Variants in OSBPL10 observed in about 807,000 individuals in gnomAD.
OSBPL10 encodes oxysterol-binding protein-related protein 10.
In OSBPL10, 49 loss-of-function variants were observed where a neutral mutation model predicts 81.7. The observed-to-expected ratio is 0.60, with a 90% confidence interval of 0.48 to 0.76. The LOEUF (loss-of-function observed/expected upper bound fraction) is 0.76. Ranked by LOEUF, OSBPL10 falls within the 30% of genes least tolerant of loss-of-function variation. The pLI is 0.00. For missense variants in OSBPL10, 923 were observed against 987.8 expected, an observed-to-expected ratio of 0.93 and a Z score of 0.88; for synonymous variants, 419 against 383.6, an observed-to-expected ratio of 1.09 and a Z score of -1.08.
At chr3:32,044,339 C>T (rs1559554283) in intron 2 of OSBPL10, among the ~76,000 whole-genome samples, 1 of 149,164 alleles carries the variant, frequency 6.7e-6, no homozygotes, top group Non-Finnish European at 1.5e-5. Context: ...ATTCCCCTAT[C>T]AATACAAAGA....
chr3:32,023,035 G>C (rs1388413456), intron 2 of OSBPL10, among the ~76,000 whole-genome samples: 1 of 152,110 alleles, frequency 6.6e-6, no homozygotes, highest in African/African-American at 2.4e-5. Flanking sequence ...GATATCTTTA[G>C]TTTCTATAGG....
At chr3:32,047,020 G>A (rs1375125962) in intron 1 of OSBPL10, among the ~76,000 whole-genome samples, 4 of 152,170 alleles carry the variant, frequency 2.6e-5, no homozygotes, top group South Asian at 4.1e-4. Context: ...GTTTTTCTTT[G>A]AGACAGGGTC....
At chr3:31,662,661 A>G in intron 11 of OSBPL10, 1 of 985,840 alleles carries the variant, frequency 1.0e-6, no homozygotes. Context: ...ATACTGAATA[A>G]CTGTGCTGGT....
At chr3:31,841,668 T>C (rs1238889212) in intron 3 of OSBPL10, among the ~76,000 whole-genome samples, 2 of 152,234 alleles carry the variant, frequency 1.3e-5, no homozygotes, top group African/African-American at 4.8e-5. Context: ...TTCCAAAACC[T>C]ACTGACTGAT....
At chr3:31,975,309 C>T (rs1698665520) in intron 1 of OSBPL10, among the ~76,000 whole-genome samples, 1 of 152,196 alleles carries the variant, frequency 6.6e-6, no homozygotes, top group African/African-American at 2.4e-5. Flanking sequence ...TTCCTATGTA[C>T]ACGCGGACAA....
intron 7 of OSBPL10, chr3:31,700,154 AATAAACT>A: frequency 6.6e-6 from 1 of 152,280 alleles, no homozygotes; most frequent in East Asian, 1.9e-4. Context: ...AAAGTAAGTT[AATAAACT>A]ATAGACAGGA....
At position 32,020,379 on chromosome 3, in the gene OSBPL10, C is replaced by T. The variant is rs138946292; in HGVS notation, n.298+26112G>A. Among the ~76,000 whole-genome samples, 427 of 152,286 alleles carry T rather than the reference C, an allele frequency of 2.8e-3. 3 individuals carry two copies. The highest frequency in any genetic ancestry group is 2.7e-3 in the Non-Finnish European group (182 of 68,030). On this transcript the variant is annotated intron_variant and non_coding_transcript_variant, in intron 2 of 3. Coordinates refer to the OSBPL10 transcript ENST00000479173. ...CTAAATTTGCCCTCTCTGGACATTT[C>T]ATGTCATACTATATGTAGTCTTCTG...
intron 1 of OSBPL10, among the ~76,000 whole-genome samples, chr3:31,941,153 T>C (rs1450552368): frequency 6.6e-6 from 1 of 152,186 alleles, no homozygotes; most frequent in Admixed American, 6.5e-5. Flanking sequence ...AATATCAATA[T>C]TTAAGGAAAT....
At chr3:31,921,838 T>C (rs1163289950) in intron 1 of OSBPL10, among the ~76,000 whole-genome samples, 1 of 152,188 alleles carries the variant, frequency 6.6e-6, no homozygotes, top group Non-Finnish European at 1.5e-5. Context: ...AGCCAGGTGA[T>C]TAAGGTCAAC....
At chr3:31,812,776 AAG>A (rs1491587649) in intron 4 of OSBPL10, among the ~76,000 whole-genome samples, 2 of 53,580 alleles carry the variant, frequency 3.7e-5, no homozygotes, top group East Asian at 8.3e-4. Context: ...GAAAGAAAGA[AAG>A]AAAGAAAGAA....
intron 7 of OSBPL10, among the ~76,000 whole-genome samples, chr3:31,701,111 T>TCCTG (rs1484193960): frequency 6.6e-6 from 1 of 152,188 alleles, no homozygotes; most frequent in Non-Finnish European, 1.5e-5. Context: ...TCAGTCTCTC[T>TCCTG]CCTGTCTTCT....
At chr3:31,735,028 C>T (rs998765253) in intron 5 of OSBPL10, among the ~76,000 whole-genome samples, 2 of 152,242 alleles carry the variant, frequency 1.3e-5, no homozygotes, top group South Asian at 2.1e-4. Flanking sequence ...TGTGTATGTG[C>T]GGTGCTTATG....
intron 5 of OSBPL10, among the ~76,000 whole-genome samples, chr3:31,741,017 CTG>C: frequency 6.6e-6 from 1 of 152,068 alleles, no homozygotes; most frequent in East Asian, 1.9e-4. Context: ...AAAGGTTTGA[CTG>C]TGGAATTGTC....
At chr3:31,679,464 T>C (rs1027032960) in intron 8 of OSBPL10, among the ~76,000 whole-genome samples, 11 of 152,130 alleles carry the variant, frequency 7.2e-5, no homozygotes, top group African/African-American at 2.7e-4. Flanking sequence ...AATAAATGGA[T>C]GAATGGATAA....
intron 4 of OSBPL10, 118 bp from the exon 5 acceptor site, chr3:31,748,238 C>A: frequency 1.2e-6 from 1 of 853,838 alleles, no homozygotes; most frequent in Non-Finnish European, 1.9e-6. Context: ...TCAGCGTGTT[C>A]GGTGCACATT....
At chr3:31,757,040 C>T (rs370051302) in intron 4 of OSBPL10, among the ~76,000 whole-genome samples, 1 of 152,242 alleles carries the variant, frequency 6.6e-6, no homozygotes, top group East Asian at 1.9e-4. Flanking sequence ...TGGTGTCTCT[C>T]TGGACTTTAA....
rs148807801 is a variant in OSBPL10, at chr3:31,971,560, C to G, written c.281+9339G>C. ...TATCCCCATTTTACAGATAAAGAAA[C>G]TGCGACATAAAGGTCAAATAGCTTG... On this transcript the variant is annotated intron_variant, in intron 1 of 11. Coordinates refer to ENST00000396556, the MANE Select transcript of OSBPL10 (RefSeq NM_017784.5). 1.4e-4 allele frequency among the ~76,000 whole-genome samples: 22 copies of G among 152,304 alleles called. No individual in the cohort carries two copies. The East Asian group carries it at 3.7e-3, about 25-fold the overall frequency.
intron 1 of OSBPL10, among the ~76,000 whole-genome samples, chr3:31,933,286 C>T (rs1697298706): frequency 1.3e-5 from 2 of 152,198 alleles, no homozygotes; most frequent in Non-Finnish European, 2.9e-5. Flanking sequence ...TCGATCCCTT[C>T]AGCTGCAGAA....
chr3:31,827,645 A>C (rs908075972), intron 4 of OSBPL10, among the ~76,000 whole-genome samples: 4 of 152,168 alleles, frequency 2.6e-5, no homozygotes, highest in Non-Finnish European at 5.9e-5. Flanking sequence ...CAAAAAAAAA[A>C]AAAATTTTTT....
Sources: allele counts gnomAD v4.1 joint callset (sites outside exome capture counted in the v4.1 genomes callset), GRCh38; gene constraint gnomAD v4.1.1; transcripts MANE v1.5; gene names NCBI Gene and HGNC (gene_info 2026-07-23, HGNC 2026-07-21).